Variants in ROBO2 observed in about 807,000 individuals in gnomAD.
ROBO2 encodes roundabout homolog 2.
Under a neutral mutation model 160.8 loss-of-function variants are expected in ROBO2, and 53 were observed. That is an observed-to-expected ratio of 0.33 (90% CI 0.26 to 0.41). ROBO2 has a LOEUF of 0.41. Among genes scored for constraint, ROBO2 ranks in the 10% least tolerant of loss-of-function variants. The pLI, the probability that ROBO2 is intolerant of heterozygous loss-of-function variation, is 1.00. For missense variants in ROBO2, 1,577 were observed against 1,722.4 expected (o/e 0.92, Z 1.49); for synonymous variants, 664 against 611.7 (o/e 1.09, Z -1.26).
At chr3:76,896,601 G>A (rs763304114) in intron 2 of ROBO2, among the ~76,000 whole-genome samples, 14 of 151,894 alleles carry the variant, frequency 9.2e-5, no homozygotes, top group African/African-American at 1.5e-4. Flanking sequence ...GAGAATGTCC[G>A]GTTCAGTTAA....
chr3:77,555,316 T>C (rs374466643), intron 8 of ROBO2, among the ~76,000 whole-genome samples: 1 of 152,106 alleles, frequency 6.6e-6, no homozygotes, highest in African/African-American at 2.4e-5. Flanking sequence ...AAACCTACAA[T>C]ACCCCTGAGA....
chr3:76,240,255 A>G (rs1004029160), intron 2 of ROBO2, among the ~76,000 whole-genome samples: 19 of 151,984 alleles, frequency 1.3e-4, no homozygotes, highest in African/African-American at 3.9e-4. Context: ...TACATTAGGT[A>G]TTTGTCCTAA....
At chr3:77,038,145 C>A (rs1281006606), upstream of ROBO2, among the ~76,000 whole-genome samples, 1 of 152,080 alleles carries the variant, frequency 6.6e-6, no homozygotes, top group African/African-American at 2.4e-5. Context: ...CGTATTGGAC[C>A]TTTGGGGTGG....
chr3:77,165,187 A>G (rs1298936791), intron 2 of ROBO2, among the ~76,000 whole-genome samples: 2 of 150,942 alleles, frequency 1.3e-5, no homozygotes, highest in Non-Finnish European at 3.0e-5. Context: ...AGAAGTAGAC[A>G]TGGGAGACTT....
chr3:77,309,361 A>G (rs987660801), intron 2 of ROBO2, among the ~76,000 whole-genome samples: 1 of 152,196 alleles, frequency 6.6e-6, no homozygotes, highest in Non-Finnish European at 1.5e-5. Context: ...ACCAATTACA[A>G]GAAGAAATGG....
At chr3:76,455,033 A>AG (rs2077678798) in intron 2 of ROBO2, among the ~76,000 whole-genome samples, 1 of 152,128 alleles carries the variant, frequency 6.6e-6, no homozygotes, top group Non-Finnish European at 1.5e-5. Flanking sequence ...TAGGTAAAAT[A>AG]AAGTTAAAAT....
intron 2 of ROBO2, among the ~76,000 whole-genome samples, chr3:76,786,692 C>T (rs746681853): frequency 9.3e-5 from 14 of 150,564 alleles, no homozygotes; most frequent in South Asian, 8.4e-4. Flanking sequence ...CCTTAGGCAA[C>T]GAGTAAGCAA....
intron 2 of ROBO2, among the ~76,000 whole-genome samples, chr3:77,109,154 A>G (rs895973985): frequency 6.6e-6 from 1 of 152,222 alleles, no homozygotes; most frequent in Non-Finnish European, 1.5e-5. Flanking sequence ...GAAGATTTAA[A>G]TTTAGTTTGC....
intron 2 of ROBO2, among the ~76,000 whole-genome samples, chr3:76,487,356 G>A (rs1255823923): frequency 6.6e-6 from 1 of 151,880 alleles, no homozygotes; most frequent in African/African-American, 2.4e-5. Context: ...TAACCTATGG[G>A]CTTAAAAGGG....
At chr3:76,869,978 T>C (rs2071854351) in intron 2 of ROBO2, among the ~76,000 whole-genome samples, 1 of 152,080 alleles carries the variant, frequency 6.6e-6, no homozygotes, top group East Asian at 1.9e-4. Context: ...ATTAAAGTAC[T>C]CTACTCTCAA....
intron 2 of ROBO2, among the ~76,000 whole-genome samples, chr3:76,925,169 C>T (rs2076903972): frequency 6.8e-6 from 1 of 147,234 alleles, no homozygotes; most frequent in Admixed American, 6.8e-5. Flanking sequence ...CGAGATCCCG[C>T]CACTGCACTC....
chr3:77,261,248 T>C (rs2058753116), intron 2 of ROBO2, among the ~76,000 whole-genome samples: 1 of 152,102 alleles, frequency 6.6e-6, no homozygotes, highest in Non-Finnish European at 1.5e-5. Context: ...ATGGCAAATG[T>C]GTGCCTGGGG....
chr3:76,443,947 T>C (rs1430973342), intron 2 of ROBO2, among the ~76,000 whole-genome samples: 1 of 152,080 alleles, frequency 6.6e-6, no homozygotes, highest in Non-Finnish European at 1.5e-5. Context: ...CTCCAAATGT[T>C]TTTAGATTTT....
At chr3:76,254,100 G>C (rs1432679753) in intron 2 of ROBO2, among the ~76,000 whole-genome samples, 1 of 152,010 alleles carries the variant, frequency 6.6e-6, no homozygotes, top group Non-Finnish European at 1.5e-5. Context: ...AGTAGGAGTA[G>C]TTTTTTACTT....
At chr3:76,354,202 T>C (rs1174916498) in intron 2 of ROBO2, among the ~76,000 whole-genome samples, 1 of 151,988 alleles carries the variant, frequency 6.6e-6, no homozygotes, top group Non-Finnish European at 1.5e-5. Flanking sequence ...GCAGTTCATA[T>C]ATGTTAAAAT....
chr3:76,113,378 C>T (rs993697065), intron 2 of ROBO2, among the ~76,000 whole-genome samples: 1 of 151,926 alleles, frequency 6.6e-6, no homozygotes, highest in African/African-American at 2.4e-5. Flanking sequence ...GCTGATTATA[C>T]TGAGATTTTC....
At chr3:77,172,413 T>A (rs945793943) in intron 2 of ROBO2, among the ~76,000 whole-genome samples, 4 of 152,200 alleles carry the variant, frequency 2.6e-5, no homozygotes, top group Admixed American at 6.5e-5. Flanking sequence ...TGATTTTTTT[T>A]TAAAAATGTG....
chr3:76,799,505 C>CAA lies in ROBO2; in HGVS notation c.110-298500_110-298499dup, dbSNP rs34437179. Among the ~76,000 whole-genome samples, 772 of 145,414 alleles carry CAA rather than the reference C, an allele frequency of 5.3e-3. 5 individuals carry two copies. Among genetic ancestry groups the CAA allele is most frequent in the Non-Finnish European group, 7.7e-3 (511 of 66,442 alleles). ...GACTTCACAAAAATATTAGATCTGA[C>CAA]AAAAAAAAAACCCAGTAAAGTGGCA... On this transcript the variant is annotated intron_variant, in intron 2 of 26. Coordinates refer to the ROBO2 transcript ENST00000487694.
At chr3:76,051,124 A>G (rs1376526467) in intron 2 of ROBO2, among the ~76,000 whole-genome samples, 2 of 151,790 alleles carry the variant, frequency 1.3e-5, no homozygotes, top group Admixed American at 1.3e-4. Context: ...ATATTGCCAT[A>G]TTGCCTAGGC....
Sources: allele counts gnomAD v4.1 joint callset (sites outside exome capture counted in the v4.1 genomes callset), GRCh38; gene constraint gnomAD v4.1.1; transcripts MANE v1.5; gene names NCBI Gene and HGNC (gene_info 2026-07-23, HGNC 2026-07-21).